Variants in CFAP299 observed in about 807,000 individuals in gnomAD.
CFAP299 encodes the protein cilia- and flagella-associated protein 299.
In CFAP299, 21 loss-of-function variants were observed where a neutral mutation model predicts 27.0. That is an observed-to-expected ratio of 0.78 (90% CI 0.55 to 1.12). CFAP299 has a LOEUF of 1.12. Ranked by LOEUF, CFAP299 falls within the 50% of genes most tolerant of loss-of-function variation. The probability of loss-of-function intolerance (pLI) is 0.00; values close to 1 mark genes in which losing one functional copy is unlikely to be tolerated. For missense variants in CFAP299, 310 were observed against 276.6 expected (o/e 1.12, Z -0.86); for synonymous variants, 104 against 98.1 (o/e 1.06, Z -0.36).
chr4:80,667,293 A>G (rs750146476), intron 3 of CFAP299, among the ~76,000 whole-genome samples: 1 of 152,152 alleles, frequency 6.6e-6, no homozygotes, highest in Non-Finnish European at 1.5e-5. Flanking sequence ...AATCAGTGTA[A>G]TTGTGATATT....
chr4:80,433,460 A>T (rs190434972), intron 2 of CFAP299, among the ~76,000 whole-genome samples: 5 of 152,268 alleles, frequency 3.3e-5, no homozygotes, highest in Admixed American at 2.0e-4. Flanking sequence ...AAAAACGAAC[A>T]CTTCGAGTTC....
chr4:80,492,562 G>T (rs1214836309), intron 2 of CFAP299, among the ~76,000 whole-genome samples: 1 of 152,160 alleles, frequency 6.6e-6, no homozygotes, highest in Non-Finnish European at 1.5e-5. Flanking sequence ...TGGAGTCAGA[G>T]AAATGCAACT....
At chr4:80,542,540 C>A (rs1311459580) in intron 2 of CFAP299, among the ~76,000 whole-genome samples, 2 of 152,126 alleles carry the variant, frequency 1.3e-5, no homozygotes, top group African/African-American at 4.8e-5. Context: ...TGAACAACTC[C>A]TGTGGAAGAG....
In CFAP299 at chr4:80,410,932, T is replaced by C. The variant is rs1025248041; in HGVS notation, c.242+48048T>C. Among the ~76,000 whole-genome samples, 10 of 152,254 alleles carry C rather than the reference T, an allele frequency of 6.6e-5. No individual in the cohort carries two copies. In the East Asian group the frequency reaches 1.7e-3, roughly 26 times the overall value. Reference sequence around the variant, plus strand: ...GCAGCTTTTGTTAATAAGAATTAGGTTGGCTCCAAAAAGTAATCATCTGCA... The same window carrying C: ...GCAGCTTTTGTTAATAAGAATTAGGCTGGCTCCAAAAAGTAATCATCTGCA... On this transcript the variant is annotated intron_variant, in intron 2 of 5. Transcript: ENST00000358105.
intron 5 of CFAP299, among the ~76,000 whole-genome samples, chr4:80,954,259 A>C (rs1737932379): frequency 6.6e-6 from 1 of 152,204 alleles, no homozygotes; most frequent in South Asian, 2.1e-4. Context: ...AGTTCAAAAA[A>C]AGAGCATGTT....
At chr4:80,929,936 C>A (rs1194053745) in intron 4 of CFAP299, among the ~76,000 whole-genome samples, 1 of 152,074 alleles carries the variant, frequency 6.6e-6, no homozygotes, top group Non-Finnish European at 1.5e-5. Flanking sequence ...CATATAACTC[C>A]TAAAATTCTT....
At chr4:80,391,174 G>T (rs1446077226) in intron 2 of CFAP299, among the ~76,000 whole-genome samples, 1 of 152,018 alleles carries the variant, frequency 6.6e-6, no homozygotes, top group Non-Finnish European at 1.5e-5. Flanking sequence ...GAATAATGCT[G>T]CAGTGAATAT....
intron 3 of CFAP299, among the ~76,000 whole-genome samples, chr4:80,647,404 A>G (rs533241474): frequency 4.9e-4 from 75 of 152,318 alleles, no homozygotes; most frequent in Admixed American, 1.5e-3. Context: ...GTGATATCCT[A>G]AATAGATTTC....
chr4:80,886,355 A>G (rs561943785), intron 4 of CFAP299, among the ~76,000 whole-genome samples: 40 of 152,354 alleles, frequency 2.6e-4, no homozygotes, highest in African/African-American at 9.1e-4. Context: ...CACAGTTCCA[A>G]TGATGGTGGC....
intron 3 of CFAP299, among the ~76,000 whole-genome samples, chr4:80,858,364 G>A (rs1422381227): frequency 1.3e-5 from 2 of 151,852 alleles, no homozygotes; most frequent in African/African-American, 4.8e-5. Flanking sequence ...ACCAGCTCCT[G>A]GATTCATTAA....
intron 2 of CFAP299, among the ~76,000 whole-genome samples, chr4:80,389,497 A>G (rs1725213234): frequency 6.6e-6 from 1 of 152,224 alleles, no homozygotes; most frequent in African/African-American, 2.4e-5. Context: ...CTGTGCTTAC[A>G]GTGGCCAAAG....
chr4:80,428,914 C>T (rs1727666040), intron 2 of CFAP299, among the ~76,000 whole-genome samples: 1 of 152,184 alleles, frequency 6.6e-6, no homozygotes, highest in South Asian at 2.1e-4. Flanking sequence ...ACTCTGTACA[C>T]AATGTGTGTG....
intron 3 of CFAP299, among the ~76,000 whole-genome samples, chr4:80,619,117 C>A (rs1209315800): frequency 1.3e-5 from 2 of 152,040 alleles, no homozygotes; most frequent in African/African-American, 4.8e-5. Context: ...TGTGAAAATG[C>A]AAACAAAATA....
rs913618436 is a variant in CFAP299, at chr4:80,375,509, T to C, written c.242+12625T>C. On this transcript the variant is annotated intron_variant, in intron 2 of 5. Coordinates refer to ENST00000358105, the MANE Select transcript of CFAP299 (RefSeq NM_152770.3). ...GTGGACCTCATTACCAGAGAACTCA[T>C]GGTGAGTGATCCAATCCTCAAGCCT... Among the ~76,000 whole-genome samples, 20 of 152,178 alleles carry C rather than the reference T, an allele frequency of 1.3e-4. 1 individual carries two copies. The highest frequency in any genetic ancestry group is 4.4e-5 in the Non-Finnish European group (3 of 68,030).
intron 2 of CFAP299, among the ~76,000 whole-genome samples, chr4:80,408,055 G>A (rs182526997): frequency 1.4e-3 from 211 of 152,220 alleles, no homozygotes; most frequent in Admixed American, 2.5e-3. Context: ...CTTGTTGATG[G>A]ATATTTGGAT....
At position 80,802,142 on chromosome 4, in the gene CFAP299, A is replaced by G. The variant is rs77380402; in HGVS notation, c.334-67851A>G. 2.6e-3 allele frequency among the ~76,000 whole-genome samples: 396 copies of G among 152,230 alleles called. 5 individuals carry two copies. The East Asian group carries it at 0.041, about 16-fold the overall frequency. ...CTATCATTTTAATTAAAATATTTGA[A>G]AACGTTCTTATCTCAAACACCTGGT... On this transcript the variant is annotated intron_variant, in intron 3 of 5. Coordinates refer to ENST00000358105, the MANE Select transcript of CFAP299 (RefSeq NM_152770.3).
At chr4:80,921,483 G>A (rs535684094) in intron 4 of CFAP299, among the ~76,000 whole-genome samples, 2 of 152,088 alleles carry the variant, frequency 1.3e-5, no homozygotes, top group Admixed American at 6.6e-5. Flanking sequence ...GCAGAGAGGA[G>A]AGCATGAACA....
At chr4:80,826,595 A>G (rs979224932) in intron 3 of CFAP299, among the ~76,000 whole-genome samples, 11 of 151,848 alleles carry the variant, frequency 7.2e-5, no homozygotes, top group African/African-American at 2.4e-4. Flanking sequence ...GAAGGCAGAT[A>G]TAGACAGTTC....
At chr4:80,844,581 G>A (rs957493501) in intron 3 of CFAP299, among the ~76,000 whole-genome samples, 50 of 151,968 alleles carry the variant, frequency 3.3e-4, no homozygotes, top group Middle Eastern at 3.4e-3. Flanking sequence ...CATATCCTTC[G>A]CCCACTTTTT....
Sources: allele counts gnomAD v4.1 joint callset (sites outside exome capture counted in the v4.1 genomes callset), GRCh38; gene constraint gnomAD v4.1.1; transcripts MANE v1.5; gene names NCBI Gene and HGNC (gene_info 2026-07-23, HGNC 2026-07-21).